The following KDM4F variants were observed in gnomAD, a reference collection of about 807,000 sequenced individuals.
KDM4F encodes the protein lysine demethylase 4F.
For missense variants in KDM4F, 586 were observed against 496.4 expected (o/e 1.18, Z -1.71); for synonymous variants, 223 against 184.4 (o/e 1.21, Z -1.70).
At chr11:95,050,213 G>A in exon 1 of KDM4F, 1 of 1,560,502 alleles carries the variant, frequency 6.4e-7, no homozygotes, top group Non-Finnish European at 8.8e-7. Flanking sequence ...TGACTCAGGA[G>A]GCTGGGGAGT....
exon 1 of KDM4F, chr11:95,049,516 T>G (rs1858489345): frequency 6.3e-7 from 1 of 1,588,900 alleles, no homozygotes; most frequent in East Asian, 2.3e-5. Context: ...AACACATATG[T>G]TGCTTACATG....
rs1858490096 is a variant in KDM4F at position 95,049,580 on chromosome 11, A to G, written c.159A>G (p.Glu53=). 3.8e-6 allele frequency: 6 copies of G among 1,598,208 alleles called. No individual in the cohort carries two copies. In the South Asian group the frequency reaches 6.6e-5, roughly 18 times the overall value. ...TCGCCAAGGTAATTCCACCCAAGGA[A>G]TGGAAAGCCAGACAGATGTATGATG... The change falls in exon 1 of 1, where the codon GAA becomes GAG. Residue 53 remains glutamate (E), a synonymous_variant. Transcript: ENST00000545950.
exon 1 of KDM4F, chr11:95,050,308 G>A (rs1590990073): frequency 2.2e-6 from 3 of 1,360,068 alleles, no homozygotes; most frequent in East Asian, 2.3e-5. Context: ...GCCACTCCAC[G>A]ATGGATTGAT....
the KDM4F span, chr11:95,051,115 G>A: frequency 5.5e-5 from 22 of 400,750 alleles, no homozygotes; most frequent in African/African-American, 1.2e-4. Context: ...GGTGGAGACT[G>A]GAAATCCCCG....
At chr11:95,050,480 A>G (rs1555105417) in exon 1 of KDM4F, 1 of 736,768 alleles carries the variant, frequency 1.4e-6, no homozygotes, top group East Asian at 2.7e-5. Context: ...CAGAAAGCCA[A>G]GAGCCGAGCA....
At chr11:95,051,124 C>T (rs1858507941) in exon 1 of KDM4F, 4 of 400,454 alleles carry the variant, frequency 1.0e-5, no homozygotes, top group East Asian at 3.6e-5. Flanking sequence ...TGGAAATCCC[C>T]GGTGAATCTG....
exon 1 of KDM4F, chr11:95,049,704 G>T: frequency 1.2e-6 from 2 of 1,604,476 alleles, no homozygotes; most frequent in South Asian, 1.1e-5. Context: ...AGCCATGAGG[G>T]TGGGGCAGTA....
exon 1 of KDM4F, chr11:95,049,651 C>A: frequency 1.3e-6 from 2 of 1,599,448 alleles, no homozygotes; most frequent in Non-Finnish European, 1.7e-6. Context: ...CAGGTGACCT[C>A]TGGGCAGGGA....
exon 1 of KDM4F, chr11:95,049,986 C>A: frequency 6.2e-7 from 1 of 1,614,242 alleles, no homozygotes; most frequent in South Asian, 1.1e-5. Context: ...GTTTGCTTGG[C>A]ACACGGAGGA....
At chr11:95,050,652 G>A (rs1347878050) in exon 1 of KDM4F, 2 of 620,858 alleles carry the variant, frequency 3.2e-6, no homozygotes, top group Admixed American at 5.3e-5. Context: ...CCAAGCCCTG[G>A]AGACGTCAGC....
chr11:95,050,078 C>T (rs1858495814), exon 1 of KDM4F: 2 of 1,597,178 alleles, frequency 1.3e-6, no homozygotes, highest in African/African-American at 1.3e-5. Flanking sequence ...ATGGTCAGCG[C>T]CTGGAATGCC....
rs1256663037 is a variant in KDM4F, at chr11:95,050,087, C to T, written c.666C>T (p.Cys222=). Reference sequence around the variant, plus strand: ...CAGAACATGGTCAGCGCCTGGAATGCCTGGCCAGGGAGCTCTTCCCAGGCA... The same window carrying T: ...CAGAACATGGTCAGCGCCTGGAATGTCTGGCCAGGGAGCTCTTCCCAGGCA... The change falls in exon 1 of 1, where the codon TGC becomes TGT. Residue 222 remains cysteine, a synonymous_variant. Coordinates refer to ENST00000545950, the Ensembl canonical transcript of KDM4F. 3.8e-6 allele frequency: 6 copies of T among 1,595,694 alleles called. No individual in the cohort carries two copies. In the East Asian group the frequency reaches 1.1e-4, roughly 30 times the overall value.
At chr11:95,049,604 T>C in exon 1 of KDM4F, 2 of 1,599,722 alleles carry the variant, frequency 1.3e-6, no homozygotes, top group South Asian at 1.1e-5. Context: ...AGATGTATGA[T>C]GATATTGAAG....
chr11:95,051,094 C>G, exon 1 of KDM4F: 2 of 405,984 alleles, frequency 4.9e-6, no homozygotes. Context: ...ATTACATTGT[C>G]CAGGGACACT....
Position 95,050,389 on chromosome 11 carries a change from G to A in KDM4F, c.968G>A (p.Arg323His), listed in dbSNP as rs142216707. 35 of 920,664 alleles carry A rather than the reference G, an allele frequency of 3.8e-5. No homozygotes were observed. In the East Asian group the frequency reaches 4.5e-4, roughly 12 times the overall value. 57.0% of individuals were successfully genotyped at this position (920,664 alleles called of 1,614,324 possible). A position where few individuals can be genotyped will look rare whatever the true frequency, so the allele number is the denominator to read the frequency against. Residue 323 changes from arginine (R) to histidine (H), a missense_variant, in exon 1 of 1, where the codon CGC becomes CAC. Physicochemically the swap from Arg to His is conservative, Grantham distance 29 (BLOSUM62 0). Coordinates refer to ENST00000545950, the Ensembl canonical transcript of KDM4F. The stretch of plus-strand genomic sequence containing the variant: ...ACCTTTTCCATGGATGCCTTCGTGC[G>A]CATCCTGCAACCCGAGAGCTATGAG...
exon 1 of KDM4F, chr11:95,050,490 A>C: frequency 1.4e-6 from 1 of 726,142 alleles, no homozygotes. Flanking sequence ...AGAGCCGAGC[A>C]ACTGGAGGGA....
exon 1 of KDM4F, chr11:95,050,698 C>T: frequency 6.4e-6 from 4 of 627,828 alleles, no homozygotes; most frequent in Non-Finnish European, 1.1e-5. Context: ...AGGTGGGGTC[C>T]TTGTCGTGGC....
At chr11:95,049,560 A>C in exon 1 of KDM4F, 1 of 1,597,446 alleles carries the variant, frequency 6.3e-7, no homozygotes, top group Non-Finnish European at 8.5e-7. Context: ...TGGCCTCGCC[A>C]AGGTAATTCC....
At chr11:95,051,226 C>T (rs1052491560) in exon 1 of KDM4F, 12 of 398,748 alleles carry the variant, frequency 3.0e-5, no homozygotes, top group African/African-American at 2.3e-4. Context: ...GACTCATCTG[C>T]TGGGGCTAAA....
Sources: allele counts gnomAD v4.1 joint callset, GRCh38; gene constraint gnomAD v4.1.1; transcripts MANE v1.5; gene names NCBI Gene and HGNC (gene_info 2026-07-23, HGNC 2026-07-21).